Variants in CCDC92B observed in about 807,000 individuals in gnomAD.
CCDC92B encodes the protein coiled-coil domain containing 92B, also known as coiled-coil domain-containing 92B.
CCDC92B carries 2 observed loss-of-function variants against 5.6 expected under a neutral mutation model. That is an observed-to-expected ratio of 0.36 (90% CI 0.15 to 1.12). CCDC92B has a LOEUF of 1.12. CCDC92B is among the 50% of genes most tolerant of loss of function. The pLI is 0.40. For missense variants in CCDC92B, 271 were observed against 262.2 expected (o/e 1.03, Z -0.23); for synonymous variants, 115 against 122.3 (o/e 0.94, Z 0.39).
intron 1 of CCDC92B, among the ~76,000 whole-genome samples, chr17:2,739,002 C>T (rs1485931981): frequency 6.6e-6 from 1 of 151,562 alleles, no homozygotes; most frequent in African/African-American, 2.4e-5. Context: ...ACCCAGGGGG[C>T]AGAAGTTGCA....
intron 2 of CCDC92B, among the ~76,000 whole-genome samples, chr17:2,732,010 A>G (rs1181610220): frequency 2.0e-5 from 3 of 152,222 alleles, no homozygotes; most frequent in Non-Finnish European, 4.4e-5. Flanking sequence ...TCTGAGCCTC[A>G]GTTTTCTCGT....
At chr17:2,746,724 G>A (rs1405117157) in intron 1 of CCDC92B, among the ~76,000 whole-genome samples, 3 of 152,172 alleles carry the variant, frequency 2.0e-5, no homozygotes, top group African/African-American at 7.2e-5. Flanking sequence ...AGGCTGGAGT[G>A]CAGTGGCTCG....
intron 1 of CCDC92B, among the ~76,000 whole-genome samples, chr17:2,735,858 C>G (rs563056967): frequency 2.8e-4 from 43 of 152,308 alleles, no homozygotes; most frequent in African/African-American, 9.1e-4. Flanking sequence ...TGGGTGAGCC[C>G]TTTCCCTCTG....
intron 2 of CCDC92B, among the ~76,000 whole-genome samples, chr17:2,734,155 C>T (rs1193547492): frequency 6.6e-6 from 1 of 152,150 alleles, no homozygotes; most frequent in Non-Finnish European, 1.5e-5. Flanking sequence ...TCGACCTTTG[C>T]CGTGCTGTTC....
intron 1 of CCDC92B, among the ~76,000 whole-genome samples, chr17:2,743,755 G>A (rs1300366766): frequency 1.3e-5 from 2 of 152,108 alleles, no homozygotes; most frequent in Non-Finnish European, 2.9e-5. Context: ...GCTCCTCAGG[G>A]ACTTGCTCTC....
chr17:2,727,703 G>A (rs2098065), intron 3 of CCDC92B, among the ~76,000 whole-genome samples: 84,109 of 151,806 alleles, frequency 0.55, 24,221 homozygotes, highest in East Asian at 1. Flanking sequence ...GTGCGCCTGT[G>A]ATCCCAGCTA....
chr17:2,730,528 T>G, intron 2 of CCDC92B, 35 bp from the exon 3 acceptor site: 1 of 227,122 alleles, frequency 4.4e-6, no homozygotes. Flanking sequence ...AGTTTGTGTG[T>G]GTGTGTGTGT....
Position 2,731,285 on chromosome 17 carries a change from C to A in CCDC92B, c.131-792G>T, listed in dbSNP as rs564852197. ...CCCCCCAGTCTCCATTCCTTAGTGT[C>A]CCCCAAGCCCCATTTCTCAGCCCAG... is the stretch of plus-strand genomic sequence containing the variant. On this transcript the variant is annotated intron_variant, in intron 2 of 3. Coordinates refer to ENST00000614400, the MANE Select transcript of CCDC92B (RefSeq NM_001355573.2). 4.6e-5 allele frequency among the ~76,000 whole-genome samples: 7 copies of A among 152,204 alleles called. No homozygotes were observed. The East Asian group carries it at 1.4e-3, about 29-fold the overall frequency.
chr17:2,724,280 CG>C lies in CCDC92B; in HGVS notation c.*130del. Reference sequence around the variant, plus strand: ...GGCGGTTCGGGGATTTGGGGGGAGCCGGGGCCGCCTCGCCCCGCTTCCTGGA... The same window carrying C: ...GGCGGTTCGGGGATTTGGGGGGAGCCGGGCCGCCTCGCCCCGCTTCCTGGA... On this transcript the variant is annotated 3_prime_UTR_variant, in exon 4 of 4. Transcript: ENST00000614400. The surrounding 1 kb of genome is among the most constrained non-coding windows in gnomAD (Gnocchi z 5.0). 1.0e-6 allele frequency: 1 copy of C among 985,330 alleles called. No homozygotes were observed. The highest frequency in any genetic ancestry group is 1.2e-6 in the Non-Finnish European group (1 of 829,888). The allele number at this position is 985,330 out of a possible 1,614,324, so 61.0% of individuals were successfully genotyped here.
chr17:2,724,467 G>A lies in CCDC92B; in HGVS notation c.712C>T (p.Arg238Ter). 1.0e-6 allele frequency: 1 copy of A among 983,666 alleles called. No homozygotes were observed. Among genetic ancestry groups the A allele is most frequent in the South Asian group, 4.7e-5 (1 of 21,368 alleles). 60.9% of individuals were successfully genotyped at this position (983,666 alleles called of 1,614,324 possible). Residue 238 changes from arginine to a stop codon, truncating the protein, a stop_gained, in exon 4 of 4, where the codon CGA becomes TGA. Transcript: ENST00000614400. LOFTEE classifies it low-confidence loss of function (END_TRUNC). This position sits in a 1 kb window ranked among gnomAD's most constrained non-coding sequence, Gnocchi z 5.0. ...CTGGGCGCGGGCTGCGGGCCGGCTCGGTCCGGGGGCTCCTGGGGAGGCGGC... is the reference window on the plus strand; with the variant it reads ...CTGGGCGCGGGCTGCGGGCCGGCTCAGTCCGGGGGCTCCTGGGGAGGCGGC... ...RQPPPQEPPD[R>*]AGPQPAPSQP...
intron 1 of CCDC92B, among the ~76,000 whole-genome samples, chr17:2,735,788 T>A (rs760436813): frequency 6.6e-6 from 1 of 152,102 alleles, no homozygotes; most frequent in African/African-American, 2.4e-5. Context: ...AGTGGCAAAG[T>A]CAGTAGAGAG....
chr17:2,726,312 G>C (rs2070729306), intron 3 of CCDC92B, among the ~76,000 whole-genome samples: 1 of 151,210 alleles, frequency 6.6e-6, no homozygotes, highest in Non-Finnish European at 1.5e-5. Context: ...TGAGTAGCTG[G>C]GACTACAGGC....
At chr17:2,737,787 C>T (rs894364591) in intron 1 of CCDC92B, among the ~76,000 whole-genome samples, 3 of 151,828 alleles carry the variant, frequency 2.0e-5, no homozygotes, top group African/African-American at 7.3e-5. Context: ...TCCAAATAGG[C>T]CTTTAATTTC....
chr17:2,727,815 C>A (rs1443275833), intron 3 of CCDC92B, among the ~76,000 whole-genome samples: 1 of 136,354 alleles, frequency 7.3e-6, no homozygotes, highest in Non-Finnish European at 1.6e-5. Flanking sequence ...CAGAGTGAGA[C>A]TCCGTCTCAA....
intron 2 of CCDC92B, among the ~76,000 whole-genome samples, chr17:2,734,037 G>A (rs995059171): frequency 1.3e-5 from 2 of 152,092 alleles, no homozygotes; most frequent in Non-Finnish European, 2.9e-5. Context: ...TGGGATTACA[G>A]GTGTGAGCCA....
intron 1 of CCDC92B, among the ~76,000 whole-genome samples, chr17:2,742,865 C>G (rs2070939147): frequency 6.6e-6 from 1 of 152,160 alleles, no homozygotes; most frequent in South Asian, 2.1e-4. Flanking sequence ...TGCTGTTTGC[C>G]CACTCATTCT....
intron 1 of CCDC92B, among the ~76,000 whole-genome samples, chr17:2,742,960 G>C (rs2070939873): frequency 6.6e-6 from 1 of 152,054 alleles, no homozygotes; most frequent in Non-Finnish European, 1.5e-5. Flanking sequence ...AATCCTGTTT[G>C]CTCTACCTTC....
chr17:2,742,164 C>G (rs2070933663), intron 1 of CCDC92B, among the ~76,000 whole-genome samples: 1 of 152,132 alleles, frequency 6.6e-6, no homozygotes, highest in African/African-American at 2.4e-5. Context: ...CTCCAACTCC[C>G]AGGTTCATGC....
At chr17:2,739,826 T>C (rs2070907598) in intron 1 of CCDC92B, among the ~76,000 whole-genome samples, 1 of 152,096 alleles carries the variant, frequency 6.6e-6, no homozygotes, top group Non-Finnish European at 1.5e-5. Flanking sequence ...AGTAGGTTAA[T>C]TCCTGTCTTG....
Sources: allele counts gnomAD v4.1 joint callset (sites outside exome capture counted in the v4.1 genomes callset), GRCh38; gene constraint gnomAD v4.1.1; non-coding constraint Gnocchi (gnomAD v3.1); transcripts MANE v1.5; gene names NCBI Gene and HGNC (gene_info 2026-07-23, HGNC 2026-07-21).